Variants in CADM2 observed in about 807,000 individuals in gnomAD.
The protein encoded by CADM2 is cell adhesion molecule 2.
CADM2 carries 12 observed loss-of-function variants against 49.8 expected under a neutral mutation model. The ratio of observed to expected loss-of-function variants is 0.24; its 90% CI spans 0.15 to 0.39. The LOEUF (loss-of-function observed/expected upper bound fraction) is 0.39, where lower values mean the gene tolerates loss of function less well. Among genes scored for constraint, CADM2 ranks in the 10% least tolerant of loss-of-function variants. The pLI, the probability that CADM2 is intolerant of heterozygous loss-of-function variation, is 1.00. For missense variants in CADM2, 378 were observed against 492.3 expected, an observed-to-expected ratio of 0.77 and a Z score of 2.20; for synonymous variants, 214 against 175.4, an observed-to-expected ratio of 1.22 and a Z score of -1.74.
chr3:85,581,907 G>A (rs1042456003), intron 1 of CADM2, among the ~76,000 whole-genome samples: 1 of 129,968 alleles, frequency 7.7e-6, no homozygotes, highest in Non-Finnish European at 1.7e-5. Context: ...TTTATTTGAA[G>A]TGTTTTTTGT....
chr3:85,658,232 C>G (rs1358247757), intron 1 of CADM2, among the ~76,000 whole-genome samples: 1 of 151,772 alleles, frequency 6.6e-6, no homozygotes, highest in African/African-American at 2.4e-5. Flanking sequence ...AAGACATAAA[C>G]CTAGGGAGAA....
chr3:85,073,116 GAC>G (rs2036819089), intron 1 of CADM2, among the ~76,000 whole-genome samples: 1 of 152,230 alleles, frequency 6.6e-6, no homozygotes, highest in East Asian at 1.9e-4. Context: ...TAACTTCTCT[GAC>G]AGATGGATTG....
intron 8 of CADM2, among the ~76,000 whole-genome samples, chr3:85,965,450 T>G (rs1004644052): frequency 6.6e-6 from 1 of 151,450 alleles, no homozygotes; most frequent in South Asian, 2.1e-4. Context: ...AGTCTTATTA[T>G]ACCAAGGACA....
chr3:85,220,932 G>A (rs1176070473), intron 1 of CADM2, among the ~76,000 whole-genome samples: 1 of 152,086 alleles, frequency 6.6e-6, no homozygotes, highest in Non-Finnish European at 1.5e-5. Context: ...ATTCAAAAGA[G>A]CTAGAATTCC....
chr3:85,359,636 G>GTATATATATATATA (rs2032160157), intron 1 of CADM2, among the ~76,000 whole-genome samples: 1 of 23,378 alleles, frequency 4.3e-5, no homozygotes, highest in Non-Finnish European at 7.4e-5. Flanking sequence ...GCCAATGTCA[G>GTATATATATATATA]CATATATATA....
chr3:85,395,859 A>G (rs1047320159), intron 1 of CADM2, among the ~76,000 whole-genome samples: 2 of 151,154 alleles, frequency 1.3e-5, no homozygotes, highest in Non-Finnish European at 3.0e-5. Flanking sequence ...TAAAAATCAC[A>G]CCCATGTTTT....
intron 3 of CADM2, among the ~76,000 whole-genome samples, chr3:85,873,203 A>C (rs80104833): frequency 0.034 from 5,177 of 152,262 alleles, 297 homozygotes; most frequent in African/African-American, 0.12. Context: ...TTAAATTTCA[A>C]TGTGAGCTTT....
rs553993451 is a variant in CADM2, at chr3:85,634,479, T to C, written c.62-92043T>C. 2.3e-4 allele frequency among the ~76,000 whole-genome samples: 35 copies of C among 152,178 alleles called. No homozygotes were observed. In the South Asian group the frequency reaches 7.0e-3, roughly 31 times the overall value. ...TTGAACCTAATTGCTGGTTCTAATT[T>C]ATATGAACTTTTACATAGTGCCCCA... On this transcript the variant is annotated intron_variant, in intron 1 of 9. Transcript: ENST00000383699.
chr3:85,907,223 A>G (rs1022504921), intron 5 of CADM2, among the ~76,000 whole-genome samples: 1 of 152,174 alleles, frequency 6.6e-6, no homozygotes, highest in Non-Finnish European at 1.5e-5. Flanking sequence ...ACTGACAACA[A>G]TTATGTGGAT....
At chr3:85,609,875 A>G (rs7632056) in intron 1 of CADM2, among the ~76,000 whole-genome samples, 79,881 of 151,812 alleles carry the variant, frequency 0.53, 23,776 homozygotes, top group East Asian at 0.82. Context: ...GAAAATCAAA[A>G]GAATAGGTGC....
At chr3:85,798,909 A>T (rs2071806613) in intron 2 of CADM2, among the ~76,000 whole-genome samples, 1 of 152,150 alleles carries the variant, frequency 6.6e-6, no homozygotes, top group Non-Finnish European at 1.5e-5. Flanking sequence ...ATGAGCATAG[A>T]ATGTTTTTCC....
intron 1 of CADM2, among the ~76,000 whole-genome samples, chr3:85,268,169 G>A (rs1295483401): frequency 6.6e-6 from 1 of 151,420 alleles, no homozygotes; most frequent in Non-Finnish European, 1.5e-5. Flanking sequence ...AGGATGAACT[G>A]GTTTCTAGGT....
At chr3:84,966,750 A>AT (rs2031025426) in intron 1 of CADM2, among the ~76,000 whole-genome samples, 1 of 152,054 alleles carries the variant, frequency 6.6e-6, no homozygotes, top group Non-Finnish European at 1.5e-5. Flanking sequence ...TCATTGTTCA[A>AT]TTTTGGAAAC....
intron 1 of CADM2, among the ~76,000 whole-genome samples, chr3:85,255,647 G>A (rs1444521922): frequency 6.6e-6 from 1 of 152,012 alleles, no homozygotes; most frequent in Non-Finnish European, 1.5e-5. Flanking sequence ...TGTGCATTAA[G>A]CACTAAATAT....
intron 2 of CADM2, among the ~76,000 whole-genome samples, chr3:85,791,517 G>A (rs1375462466): frequency 2.1e-5 from 3 of 142,008 alleles, no homozygotes; most frequent in African/African-American, 8.0e-5. Context: ...AGAGGGGTGG[G>A]GAGGGAGAGA....
intron 1 of CADM2, among the ~76,000 whole-genome samples, chr3:85,312,476 T>G (rs1040033242): frequency 6.6e-6 from 1 of 152,024 alleles, no homozygotes; most frequent in Admixed American, 6.6e-5. Context: ...AATAAGTATA[T>G]GTGAGCATGA....
At chr3:85,686,162 T>G (rs2066209831) in intron 1 of CADM2, among the ~76,000 whole-genome samples, 1 of 152,324 alleles carries the variant, frequency 6.6e-6, no homozygotes, top group African/African-American at 2.4e-5. Flanking sequence ...TAAAACCTAC[T>G]TCCTTCTGTT....
chr3:85,081,400 G>A (rs1244912100), intron 1 of CADM2, among the ~76,000 whole-genome samples: 1 of 152,030 alleles, frequency 6.6e-6, no homozygotes, highest in African/African-American at 2.4e-5. Context: ...ATGAAGCAAC[G>A]TCCTCCATTC....
In CADM2 at chr3:85,723,805, T is replaced by A. The variant is rs543079581; in HGVS notation, c.62-2717T>A. ...TAAAAGATTGGTTGTATCTGTTACA[T>A]GTTAGATGCTAATTAATTATTATTG... On this transcript the variant is annotated intron_variant, in intron 1 of 9. Transcript: ENST00000383699. Among the ~76,000 whole-genome samples, 229 of 152,188 alleles carry A rather than the reference T, an allele frequency of 1.5e-3. 2 individuals carry two copies. Among genetic ancestry groups the A allele is most frequent in the South Asian group, 0.015 (71 of 4,830 alleles).
Sources: allele counts gnomAD v4.1 joint callset (sites outside exome capture counted in the v4.1 genomes callset), GRCh38; gene constraint gnomAD v4.1.1; transcripts MANE v1.5; gene names NCBI Gene and HGNC (gene_info 2026-07-23, HGNC 2026-07-21).